The following NEGR1 variants were observed in gnomAD, a reference collection of about 807,000 sequenced individuals.
NEGR1 encodes IgLON family member 4.
Under a neutral mutation model 40.9 loss-of-function variants are expected in NEGR1, and 10 were observed. The ratio of observed to expected loss-of-function variants is 0.24; its 90% CI spans 0.15 to 0.42. NEGR1 has a LOEUF of 0.42. Ranked by LOEUF, NEGR1 falls within the 10% of genes least tolerant of loss-of-function variation. The probability of loss-of-function intolerance (pLI) is 1.00; values close to 1 mark genes in which losing one functional copy is unlikely to be tolerated. For synonymous variants in NEGR1, 185 were observed against 166.8 expected, an observed-to-expected ratio of 1.11 and a Z score of -0.84; for missense variants, 352 against 438.9, an observed-to-expected ratio of 0.80 and a Z score of 1.77.
At chr1:71,760,130 G>A (rs1490358719) in intron 3 of NEGR1, among the ~76,000 whole-genome samples, 5 of 152,132 alleles carry the variant, frequency 3.3e-5, no homozygotes, top group South Asian at 2.1e-4. Context: ...AAATGCCCCT[G>A]CTCTCTCAGA....
At chr1:72,090,983 C>A (rs1648465648) in intron 1 of NEGR1, among the ~76,000 whole-genome samples, 1 of 152,192 alleles carries the variant, frequency 6.6e-6, no homozygotes, top group Non-Finnish European at 1.5e-5. Flanking sequence ...CAGATGCAAT[C>A]CCCAGCTATG....
chr1:71,871,645 G>T (rs1660281919), intron 2 of NEGR1, among the ~76,000 whole-genome samples: 1 of 152,140 alleles, frequency 6.6e-6, no homozygotes, highest in Admixed American at 6.6e-5. Context: ...AAGTTAAGCT[G>T]ATCTGCACTA....
chr1:71,964,834 A>G (rs1480268948), intron 1 of NEGR1, among the ~76,000 whole-genome samples: 1 of 149,570 alleles, frequency 6.7e-6, no homozygotes, highest in South Asian at 2.1e-4. Flanking sequence ...TAAAAAAAAA[A>G]ATCACTCCCT....
chr1:71,709,146 T>C (rs1653996968), intron 3 of NEGR1, among the ~76,000 whole-genome samples: 1 of 152,118 alleles, frequency 6.6e-6, no homozygotes, highest in African/African-American at 2.4e-5. Flanking sequence ...GTATTTCTGG[T>C]TCTAGGTCTT....
intron 6 of NEGR1, among the ~76,000 whole-genome samples, chr1:71,459,011 C>A (rs923304380): frequency 2.0e-5 from 3 of 151,950 alleles, no homozygotes; most frequent in Non-Finnish European, 4.4e-5. Flanking sequence ...GCTTCAAGTT[C>A]TTTATCAGTT....
At chr1:71,771,302 G>T (rs10789330) in intron 3 of NEGR1, among the ~76,000 whole-genome samples, 113,253 of 151,774 alleles carry the variant, frequency 0.75, 44,179 homozygotes, top group East Asian at 0.86. Flanking sequence ...CTGTCAGGGG[G>T]TTCGGGGCTA....
At chr1:71,697,891 G>T in intron 4 of NEGR1, 117 bp downstream of exon 4, 1 of 908,306 alleles carries the variant, frequency 1.1e-6, no homozygotes, top group Non-Finnish European at 1.7e-6. Flanking sequence ...AGTGTTAGTA[G>T]GTGATTTTTA....
At chr1:71,676,258 A>G (rs1453737164) in intron 4 of NEGR1, among the ~76,000 whole-genome samples, 1 of 152,072 alleles carries the variant, frequency 6.6e-6, no homozygotes, top group Non-Finnish European at 1.5e-5. Context: ...ATTAAGAAAA[A>G]TGTTCTTCTA....
chr1:72,199,146 CAGACAG>C (rs1275433947), intron 1 of NEGR1, among the ~76,000 whole-genome samples: 2,645 of 139,082 alleles, frequency 0.019, 30 homozygotes, highest in Non-Finnish European at 0.026. Context: ...TCTAGATAGA[CAGACAG>C]AGAGAGAGAG....
intron 6 of NEGR1, among the ~76,000 whole-genome samples, chr1:71,455,314 A>T (rs1385568858): frequency 1.3e-5 from 2 of 152,242 alleles, no homozygotes; most frequent in Non-Finnish European, 1.5e-5. Context: ...ATAAGTATTA[A>T]TTGAATGACT....
intron 1 of NEGR1, among the ~76,000 whole-genome samples, chr1:72,270,414 C>T (rs1245571797): frequency 6.6e-6 from 1 of 151,828 alleles, no homozygotes; most frequent in Non-Finnish European, 1.5e-5. Context: ...AAGTTCTTGC[C>T]CATACCTACT....
chr1:71,896,352 G>A (rs1216302039), intron 2 of NEGR1, among the ~76,000 whole-genome samples: 3 of 151,920 alleles, frequency 2.0e-5, no homozygotes, highest in Non-Finnish European at 2.9e-5. Context: ...AGTTTATTTG[G>A]GGAATTTCTA....
intron 1 of NEGR1, among the ~76,000 whole-genome samples, chr1:72,181,968 A>T (rs1285289818): frequency 6.6e-6 from 1 of 152,166 alleles, no homozygotes; most frequent in African/African-American, 2.4e-5. Flanking sequence ...AAGTCTAGAG[A>T]TGTAATGTAC....
intron 6 of NEGR1, among the ~76,000 whole-genome samples, chr1:71,521,478 T>C (rs562958678): frequency 2.0e-5 from 3 of 152,096 alleles, no homozygotes; most frequent in African/African-American, 7.2e-5. Flanking sequence ...CTAAACATAA[T>C]TGACTAGACT....
chr1:71,421,094 A>G (rs1646390808), intron 6 of NEGR1, among the ~76,000 whole-genome samples: 1 of 152,058 alleles, frequency 6.6e-6, no homozygotes, highest in Non-Finnish European at 1.5e-5. Context: ...TTAGTACCTC[A>G]AGCATATGGA....
At chr1:71,681,270 T>C (rs148768864) in intron 4 of NEGR1, among the ~76,000 whole-genome samples, 2 of 152,314 alleles carry the variant, frequency 1.3e-5, no homozygotes, top group Admixed American at 1.3e-4. Flanking sequence ...GAAAATAAGA[T>C]TTTGGTGTTC....
intron 1 of NEGR1, among the ~76,000 whole-genome samples, chr1:72,073,669 A>C (rs1647577149): frequency 6.6e-6 from 1 of 152,148 alleles, no homozygotes; most frequent in South Asian, 2.1e-4. Flanking sequence ...ACAGTGTTCA[A>C]ATAAACCAGC....
chr1:71,511,975 T>C (rs1224757761), intron 6 of NEGR1, among the ~76,000 whole-genome samples: 1 of 152,176 alleles, frequency 6.6e-6, no homozygotes, highest in Admixed American at 6.5e-5. Flanking sequence ...TTCTGAAAAC[T>C]TAGGCAGATT....
At chr1:71,918,280 G>T (rs1661661070) in intron 2 of NEGR1, among the ~76,000 whole-genome samples, 1 of 107,020 alleles carries the variant, frequency 9.3e-6, no homozygotes, top group Admixed American at 1.0e-4. Flanking sequence ...ACATCATACT[G>T]TCAAAAACAA....
Sources: gnomAD v4.1 joint callset for allele counts (sites outside exome capture counted in the v4.1 genomes callset) on GRCh38, gnomAD v4.1.1 for gene constraint, MANE v1.5 for transcripts, NCBI Gene and HGNC (gene_info 2026-07-23, HGNC 2026-07-21) for gene names.